SYCP1: variants seen among roughly 807,000 people sequenced by gnomAD.
The protein encoded by SYCP1 is synaptonemal complex protein 1, also known as cancer/testis antigen 8.
Under a neutral mutation model 153.1 loss-of-function variants are expected in SYCP1, and 64 were observed. That is an observed-to-expected ratio of 0.42 (90% CI 0.34 to 0.51). SYCP1 has a LOEUF of 0.51. SYCP1 is among the 20% of genes least tolerant of loss of function. The pLI, the probability that SYCP1 is intolerant of heterozygous loss-of-function variation, is 0.06. For synonymous variants in SYCP1, 384 were observed against 341.8 expected (o/e 1.12, Z -1.36); for missense variants, 997 against 1,049.0 (o/e 0.95, Z 0.68).
chr1:114,911,190 C>T (rs1005531116), intron 17 of SYCP1, among the ~76,000 whole-genome samples: 24 of 151,762 alleles, frequency 1.6e-4, no homozygotes, highest in African/African-American at 5.6e-4. Flanking sequence ...GATAATATAA[C>T]ATTTTAATAG....
At position 114,870,297 on chromosome 1, in the gene SYCP1, G is replaced by A. The variant is rs550362386; in HGVS notation, c.599-4209G>A. Among the ~76,000 whole-genome samples the A allele has an allele frequency of 7.9e-5, 12 of 152,306 alleles. No individual in the cohort carries two copies. The East Asian group carries it at 1.9e-3, about 25-fold the overall frequency. ...CAAAGTACTGGGATTACGGGCATGAGCCACTGTGCCCAGCTCTAAAAGCAT... is the reference window on the plus strand; with the variant it reads ...CAAAGTACTGGGATTACGGGCATGAACCACTGTGCCCAGCTCTAAAAGCAT... On this transcript the variant is annotated intron_variant, in intron 8 of 31. Coordinates refer to ENST00000369522, the MANE Select transcript of SYCP1 (RefSeq NM_003176.4).
At chr1:114,881,054 T>TACACACACACAC (rs199813501) in intron 12 of SYCP1, among the ~76,000 whole-genome samples, 2 of 77,868 alleles carry the variant, frequency 2.6e-5, no homozygotes, top group Non-Finnish European at 2.7e-5. Flanking sequence ...AATTTGTGTA[T>TACACACACACAC]ATACACACAC....
At chr1:114,907,399 A>C (rs1313622656) in intron 16 of SYCP1, among the ~76,000 whole-genome samples, 1 of 152,144 alleles carries the variant, frequency 6.6e-6, no homozygotes, top group East Asian at 1.9e-4. Flanking sequence ...TTCCTCTTTT[A>C]AACTCTCTGC....
chr1:114,935,325 G>A (rs1279302424), intron 23 of SYCP1, among the ~76,000 whole-genome samples: 3 of 116,242 alleles, frequency 2.6e-5, no homozygotes, highest in African/African-American at 8.0e-5. Context: ...ATAACGAAAT[G>A]AAGGCAGAAA....
At chr1:114,901,274 C>T (rs1419457802) in intron 16 of SYCP1, among the ~76,000 whole-genome samples, 1 of 152,056 alleles carries the variant, frequency 6.6e-6, no homozygotes, top group Non-Finnish European at 1.5e-5. Flanking sequence ...AACCTTTTCC[C>T]AGAAAAACAA....
intron 10 of SYCP1, 99 bp downstream of exon 10, chr1:114,876,237 T>C (rs1028776475): frequency 5.9e-6 from 4 of 674,098 alleles, no homozygotes; most frequent in Non-Finnish European, 9.0e-6. Flanking sequence ...CCTGATGCTC[T>C]GAACTATTTT....
At chr1:114,908,764 C>T (rs938476047) in intron 16 of SYCP1, among the ~76,000 whole-genome samples, 1 of 152,048 alleles carries the variant, frequency 6.6e-6, no homozygotes, top group Non-Finnish European at 1.5e-5. Context: ...CCTGATTGAG[C>T]AAAACTGAAT....
chr1:114,893,580 ACT>A (rs1442174005), intron 15 of SYCP1, among the ~76,000 whole-genome samples: 1 of 149,560 alleles, frequency 6.7e-6, no homozygotes, highest in Non-Finnish European at 1.5e-5. Flanking sequence ...CACTCTATTA[ACT>A]CTTTTTCTTT....
intron 27 of SYCP1, among the ~76,000 whole-genome samples, chr1:114,965,155 C>T (rs1456544514): frequency 6.6e-6 from 1 of 152,038 alleles, no homozygotes; most frequent in Non-Finnish European, 1.5e-5. Context: ...CATGATTTGG[C>T]TGTTTGTCTG....
intron 27 of SYCP1, among the ~76,000 whole-genome samples, chr1:114,966,538 C>T (rs906245833): frequency 3.9e-5 from 6 of 152,052 alleles, no homozygotes; most frequent in Admixed American, 2.6e-4. Flanking sequence ...GATTCTGGTA[C>T]GTTGTGTGTT....
chr1:114,987,394 C>T (rs1305642517), intron 30 of SYCP1, among the ~76,000 whole-genome samples: 1 of 152,006 alleles, frequency 6.6e-6, no homozygotes, highest in Non-Finnish European at 1.5e-5. Flanking sequence ...GGGCCAGGCA[C>T]AATAGCTCAC....
Position 114,887,634 on chromosome 1 carries a change from A to C in SYCP1, c.1199A>C (p.Lys400Thr). The change falls in exon 15 of 32, where the codon AAA becomes ACA. Residue 400 changes from lysine to threonine, a missense_variant. Around this residue, in one of 2 missense-constraint regions of SYCP1, gnomAD observed 712 missense variants for 682.9 expected, o/e 1.04. Coordinates refer to ENST00000369522, the MANE Select transcript of SYCP1 (RefSeq NM_003176.4). ...ATGATATATTTTACAAGATTGGAAA[A>C]AAATGAAGATCAATTGAAAATACTT... ...LLRTEQQRLE[K>T]NEDQLKILTM... 4.5e-6 allele frequency: 7 copies of C among 1,559,274 alleles called. No individual in the cohort carries two copies. Among genetic ancestry groups the C allele is most frequent in the Non-Finnish European group, 6.1e-6 (7 of 1,148,636 alleles).
chr1:114,976,870 G>A (rs1219716238), intron 27 of SYCP1, among the ~76,000 whole-genome samples: 1 of 151,722 alleles, frequency 6.6e-6, no homozygotes, highest in African/African-American at 2.4e-5. Context: ...GACATCATGG[G>A]CGAGTTTTAC....
At chr1:114,974,692 T>G (rs1398733563) in intron 27 of SYCP1, among the ~76,000 whole-genome samples, 1 of 151,908 alleles carries the variant, frequency 6.6e-6, no homozygotes, top group African/African-American at 2.4e-5. Context: ...TGCATAATAT[T>G]CTATTATATG....
chr1:114,962,824 A>T (rs1303273244), intron 27 of SYCP1, among the ~76,000 whole-genome samples: 2 of 152,160 alleles, frequency 1.3e-5, no homozygotes, highest in Non-Finnish European at 2.9e-5. Flanking sequence ...TTGTTTCAAG[A>T]TGTAGAGCTC....
chr1:114,908,131 T>C (rs886676426), intron 16 of SYCP1, among the ~76,000 whole-genome samples: 2 of 152,112 alleles, frequency 1.3e-5, no homozygotes, highest in Non-Finnish European at 2.9e-5. Context: ...ACAAATTTTC[T>C]TAGTTTTTCT....
In SYCP1 at chr1:114,857,235, C is replaced by T; in HGVS notation, c.197C>T (p.Pro66Leu). The T allele has an allele frequency of 1.3e-6, 2 of 1,597,102 alleles. No individual in the cohort carries two copies. The highest frequency in any genetic ancestry group is 8.5e-7 in the Non-Finnish European group (1 of 1,171,216). The stretch of plus-strand genomic sequence containing the variant: ...CCTGTTGTCTTTTATCTTGCAGATC[C>T]TGCTTTACAAAAAGTTAATTTCTTG... ...SKNGENIDSD[P>L]ALQKVNFLPV... The change falls in exon 4 of 32, where the codon CCT (proline) becomes CTT (leucine). Residue 66 changes from proline (P) to leucine (L), a missense_variant. Pro to Leu is a moderately conservative substitution (Grantham distance 98). Coordinates refer to ENST00000369522, the MANE Select transcript of SYCP1 (RefSeq NM_003176.4).
intron 20 of SYCP1, among the ~76,000 whole-genome samples, chr1:114,918,992 T>C (rs2101706853): frequency 6.6e-6 from 1 of 152,168 alleles, no homozygotes; most frequent in Admixed American, 6.5e-5. Flanking sequence ...TTGAATGCCC[T>C]TTATTTCTTC....
At chr1:114,892,295 TGTG>T (rs1666761660) in intron 15 of SYCP1, among the ~76,000 whole-genome samples, 1 of 152,124 alleles carries the variant, frequency 6.6e-6, no homozygotes, top group African/African-American at 2.4e-5. Flanking sequence ...CTGCAGCAGT[TGTG>T]GTGAGCTGGG....
Sources: allele counts gnomAD v4.1 joint callset (sites outside exome capture counted in the v4.1 genomes callset), GRCh38; gene constraint gnomAD v4.1.1; regional missense constraint gnomAD v4.1.1; transcripts MANE v1.5; gene names NCBI Gene and HGNC (gene_info 2026-07-23, HGNC 2026-07-21).